Variants in SETBP1 observed in about 807,000 individuals in gnomAD.
SETBP1 encodes SET-binding protein.
SETBP1 carries 9 observed loss-of-function variants against 101.0 expected under a neutral mutation model. The observed-to-expected ratio is 0.09, with a 90% CI of 0.05 to 0.16. The LOEUF (loss-of-function observed/expected upper bound fraction) is 0.16, where lower values mean the gene tolerates loss of function less well. Among genes scored for constraint, SETBP1 ranks in the 10% least tolerant of loss-of-function variants. The pLI is 1.00. For synonymous variants in SETBP1, 818 were observed against 788.5 expected (o/e 1.04, Z -0.63); for missense variants, 1,858 against 2,033.8 (o/e 0.91, Z 1.66).
In SETBP1 at chr18:44,866,447, T is replaced by C. The variant is rs1027522881; in HGVS notation, c.487-2783T>C. Among the ~76,000 whole-genome samples the C allele has an allele frequency of 2.6e-5, 4 of 152,362 alleles. No homozygotes were observed. The East Asian group carries it at 7.7e-4, about 29-fold the overall frequency. ...TAAGTCATTTGACAAACAGGTTATT[T>C]AGTGATAATTTTATGTCCAGACTCT... is the stretch of plus-strand genomic sequence containing the variant. On this transcript the variant is annotated intron_variant, in intron 2 of 5. Coordinates refer to ENST00000649279, the MANE Select transcript of SETBP1 (RefSeq NM_015559.3).
At chr18:45,057,318 A>G (rs1243946216) in intron 5 of SETBP1, among the ~76,000 whole-genome samples, 1 of 152,108 alleles carries the variant, frequency 6.6e-6, no homozygotes, top group East Asian at 1.9e-4. Flanking sequence ...TTAAAAATAA[A>G]AAGCAGCATT....
At chr18:44,971,106 A>G (rs2071845414) in intron 4 of SETBP1, among the ~76,000 whole-genome samples, 1 of 148,616 alleles carries the variant, frequency 6.7e-6, no homozygotes, top group African/African-American at 2.5e-5. Context: ...ATTCCCACCT[A>G]TGAGTGAGAA....
intron 2 of SETBP1, among the ~76,000 whole-genome samples, chr18:44,718,297 C>T (rs980701908): frequency 2.0e-5 from 3 of 152,178 alleles, no homozygotes; most frequent in African/African-American, 7.2e-5. Context: ...ATGCTCAGCC[C>T]TGCCAGCTGA....
At chr18:44,812,782 A>C (rs1028126470) in intron 2 of SETBP1, among the ~76,000 whole-genome samples, 4 of 152,210 alleles carry the variant, frequency 2.6e-5, no homozygotes, top group Admixed American at 6.5e-5. Flanking sequence ...GGAAAAGGAT[A>C]CCTTATGGGG....
At chr18:44,819,411 A>G (rs893195312) in intron 2 of SETBP1, among the ~76,000 whole-genome samples, 2 of 152,314 alleles carry the variant, frequency 1.3e-5, no homozygotes, top group East Asian at 3.9e-4. Context: ...TTCTCTGGTA[A>G]GGCTTACTGT....
intron 1 of SETBP1, among the ~76,000 whole-genome samples, chr18:44,690,759 A>T (rs531535934): frequency 1.3e-3 from 197 of 152,372 alleles, no homozygotes; most frequent in African/African-American, 4.5e-3. Flanking sequence ...GTTAAATAGT[A>T]TAATAAACTT....
At chr18:44,826,475 T>C (rs9959719) in intron 2 of SETBP1, among the ~76,000 whole-genome samples, 4,256 of 152,216 alleles carry the variant, frequency 0.028, 196 homozygotes, top group African/African-American at 0.097. Context: ...GCTCCCAGGT[T>C]GCCTCACAGA....
chr18:45,036,191 G>T (rs910638692), intron 4 of SETBP1, among the ~76,000 whole-genome samples: 5 of 152,030 alleles, frequency 3.3e-5, no homozygotes, highest in African/African-American at 1.2e-4. Flanking sequence ...CAATTAGCCA[G>T]GTGTGGTGGC....
chr18:45,014,763 C>G (rs2072908223), intron 4 of SETBP1, among the ~76,000 whole-genome samples: 1 of 152,152 alleles, frequency 6.6e-6, no homozygotes. Flanking sequence ...CTCTGTGCCT[C>G]AGTTTCCTCC....
chr18:44,761,962 G>A (rs1296402076), intron 2 of SETBP1, among the ~76,000 whole-genome samples: 1 of 152,040 alleles, frequency 6.6e-6, no homozygotes, highest in Non-Finnish European at 1.5e-5. Flanking sequence ...CTCGTGGTAG[G>A]TCTTTGTGCA....
At chr18:44,707,415 C>A (rs2069245252) in intron 2 of SETBP1, among the ~76,000 whole-genome samples, 1 of 152,198 alleles carries the variant, frequency 6.6e-6, no homozygotes, top group Non-Finnish European at 1.5e-5. Context: ...AATACAACTT[C>A]TATTTCATTT....
intron 4 of SETBP1, among the ~76,000 whole-genome samples, chr18:45,018,266 T>C (rs1206057162): frequency 6.6e-6 from 1 of 152,246 alleles, no homozygotes; most frequent in East Asian, 1.9e-4. Context: ...TTGAATTCTC[T>C]TATTTATAAT....
chr18:44,782,460 C>T (rs2071151368), intron 2 of SETBP1, among the ~76,000 whole-genome samples: 1 of 152,048 alleles, frequency 6.6e-6, no homozygotes, highest in Non-Finnish European at 1.5e-5. Flanking sequence ...TTATTTACCT[C>T]ATAGAGGAAG....
chr18:45,012,819 A>G (rs1240601923), intron 4 of SETBP1, among the ~76,000 whole-genome samples: 3 of 152,178 alleles, frequency 2.0e-5, no homozygotes, highest in African/African-American at 7.2e-5. Flanking sequence ...ATATGTACAC[A>G]TGGACATAGA....
At chr18:44,818,745 GCACACACTCA>G (rs1215384183) in intron 2 of SETBP1, among the ~76,000 whole-genome samples, 1 of 108,036 alleles carries the variant, frequency 9.3e-6, no homozygotes, top group Non-Finnish European at 2.1e-5. Context: ...GAAAAGACAC[GCACACACTCA>G]CACACACACA....
At chr18:44,794,630 A>G (rs929392176) in intron 2 of SETBP1, among the ~76,000 whole-genome samples, 2 of 152,160 alleles carry the variant, frequency 1.3e-5, no homozygotes, top group African/African-American at 4.8e-5. Context: ...AAAGGGTTGC[A>G]ATGACCCCAG....
At position 45,039,733 on chromosome 18, in the gene SETBP1, T is replaced by TA. The variant is rs769532790; in HGVS notation, c.4171+1079dup. ...CAAGAAGAGACTCATTCTTAATATT[T>TA]AGTCCAAATTCATTTTTCAATTTAG... On this transcript the variant is annotated intron_variant, in intron 5 of 5. Transcript: ENST00000649279. Among the ~76,000 whole-genome samples the TA allele has an allele frequency of 5.8e-4, 88 of 152,346 alleles. 1 individual carries two copies. The highest frequency in any genetic ancestry group is 6.8e-3 in the Middle Eastern group (2 of 294).
chr18:45,043,728 C>G (rs189913715), intron 5 of SETBP1, among the ~76,000 whole-genome samples: 13 of 152,290 alleles, frequency 8.5e-5, no homozygotes, highest in African/African-American at 3.1e-4. Flanking sequence ...TTGTTATTAG[C>G]CCAGCCATCA....
At chr18:44,681,862 G>A (rs1355633849) in intron 1 of SETBP1, among the ~76,000 whole-genome samples, 1 of 151,882 alleles carries the variant, frequency 6.6e-6, no homozygotes, top group African/African-American at 2.4e-5. Flanking sequence ...GGCAATTTGT[G>A]TGTCTCTTTA....
Sources: allele counts gnomAD v4.1 joint callset (sites outside exome capture counted in the v4.1 genomes callset), GRCh38; gene constraint gnomAD v4.1.1; transcripts MANE v1.5; gene names NCBI Gene and HGNC (gene_info 2026-07-23, HGNC 2026-07-21).